Variants in MAVS observed in about 807,000 individuals in gnomAD.
MAVS encodes mitochondrial antiviral signaling protein.
A neutral mutation model predicts 30.2 loss-of-function variants in MAVS; 20 were observed. The observed-to-expected ratio is 0.66, with a 90% CI of 0.47 to 0.96. The LOEUF is 0.96. Ranked by LOEUF, MAVS falls within the 40% of genes least tolerant of loss-of-function variation. MAVS has a pLI of 0.00. For synonymous variants in MAVS, 278 were observed against 293.9 expected (o/e 0.95, Z 0.55); for missense variants, 624 against 701.1 (o/e 0.89, Z 1.24).
chr20:3,857,814 G>A lies in MAVS; in HGVS notation c.292+5G>A. Reference sequence around the variant, plus strand: ...TCTACCAGAGCTACCAGCCTCGTGAGCGTCCTGCCCTTGCCCTCCTGGACC... The same window carrying A: ...TCTACCAGAGCTACCAGCCTCGTGAACGTCCTGCCCTTGCCCTCCTGGACC... On this transcript the variant is annotated splice_donor_5th_base_variant and intron_variant, in intron 3 of 6. Coordinates refer to ENST00000428216, the MANE Select transcript of MAVS (RefSeq NM_020746.5). The A allele has an allele frequency of 6.2e-7, 1 of 1,614,126 alleles. No individual in the cohort carries two copies. Among genetic ancestry groups the A allele is most frequent in the Non-Finnish European group, 8.5e-7 (1 of 1,180,012 alleles).
In MAVS at chr20:3,866,212, G is replaced by A. The variant is rs143282325; in HGVS notation, c.*65G>A. 3.2e-4 allele frequency: 449 copies of A among 1,405,576 alleles called. 3 individuals are homozygous for A. In the African/African-American group the frequency reaches 5.8e-3, roughly 18 times the overall value. 87.1% of individuals were successfully genotyped at this position (1,405,576 alleles called of 1,614,324 possible). On this transcript the variant is annotated 3_prime_UTR_variant, in exon 7 of 7. Transcript: ENST00000428216. ...CCTGCAGTACACCTGGCCCCTCTCC[G>A]AAGCCCCTTGTCCCTTTCTTGGGGA...
chr20:3,858,479 A>G (rs944645333), intron 3 of MAVS, among the ~76,000 whole-genome samples: 2 of 152,060 alleles, frequency 1.3e-5, no homozygotes, highest in Non-Finnish European at 2.9e-5. Context: ...GGAGATGGAG[A>G]CCACCCTGGC....
chr20:3,853,342 C>T (rs992988826), intron 1 of MAVS, among the ~76,000 whole-genome samples: 3 of 151,010 alleles, frequency 2.0e-5, no homozygotes, highest in East Asian at 2.0e-4. Flanking sequence ...AAAAATTAGC[C>T]GGGCGTGGTG....
Position 3,854,887 on chromosome 20 carries a change from T to TTTTC in MAVS, c.117+150_117+153dup. ...GTGTCTTGCTCCTTGTCCTTGCTGC[T>TTTTC]TTTCTTTTTTTTTTTTTTTTTTGAG... On this transcript the variant is annotated intron_variant, in intron 2 of 6. Transcript: ENST00000428216. 4.3e-5 allele frequency: 20 copies of TTTTC among 468,802 alleles called. No homozygotes were observed. In the South Asian group the frequency reaches 5.6e-4, roughly 13 times the overall value. 29.0% of individuals were successfully genotyped at this position (468,802 alleles called of 1,614,324 possible).
intron 2 of MAVS, among the ~76,000 whole-genome samples, chr20:3,857,270 G>A (rs995664803): frequency 3.3e-5 from 5 of 152,120 alleles, no homozygotes; most frequent in Middle Eastern, 3.2e-3. Context: ...AACTGGGTTT[G>A]GATTCCTGCC....
intron 2 of MAVS, among the ~76,000 whole-genome samples, chr20:3,856,058 T>A (rs1234483421): frequency 1.3e-5 from 1 of 79,488 alleles, no homozygotes; most frequent in East Asian, 1.3e-3. Flanking sequence ...AGTGGCACGA[T>A]TTTTTTTTTT....
At chr20:3,862,446 C>A in intron 5 of MAVS, 33 bp downstream of exon 5, 1 of 1,594,440 alleles carries the variant, frequency 6.3e-7, no homozygotes, top group Non-Finnish European at 8.6e-7. Context: ...TAGGGTCCTT[C>A]TGATCTCTCA....
chr20:3,852,246 G>A (rs1261998048), intron 1 of MAVS, among the ~76,000 whole-genome samples: 2 of 151,844 alleles, frequency 1.3e-5, no homozygotes, highest in Non-Finnish European at 1.5e-5. Context: ...CACCCGCCTC[G>A]GCCTCCCAAA....
rs1165102122 is a variant in MAVS, at chr20:3,857,803, C to A, written c.286C>A (p.Gln96Lys). 1.9e-6 allele frequency: 3 copies of A among 1,614,158 alleles called. No homozygotes were observed. The South Asian group carries it at 3.3e-5, about 18-fold the overall frequency. Residue 96 changes from glutamine to lysine, a missense_variant, in exon 3 of 7, where the codon CAG becomes AAG. Coordinates refer to ENST00000428216, the MANE Select transcript of MAVS (RefSeq NM_020746.5). The stretch of plus-strand genomic sequence containing the variant: ...AGTGGCCTCTGTCTACCAGAGCTAC[C>A]AGCCTCGTGAGCGTCCTGCCCTTGC... ...DEVASVYQSY[Q>K]PRTSDRPPDP... is the part of the protein sequence containing the mutation.
In MAVS at chr20:3,874,037, C is replaced by T. The variant is rs547621059; in HGVS notation, c.*7890C>T. On this transcript the variant is annotated 3_prime_UTR_variant, in exon 7 of 7. Coordinates refer to ENST00000428216, the MANE Select transcript of MAVS (RefSeq NM_020746.5). ...ATCCACCAACCCAAATGTCCATCCA[C>T]AGTTGAAGCTACAGTGAAGTCACAG... The T allele has an allele frequency of 7.7e-4, 306 of 398,234 alleles. No homozygotes were observed. The highest frequency in any genetic ancestry group is 1.1e-3 in the Non-Finnish European group (246 of 226,006). 24.7% of individuals were successfully genotyped at this position (398,234 alleles called of 1,614,324 possible). A position where few individuals can be genotyped will look rare whatever the true frequency, so the allele number is the denominator to read the frequency against.
In MAVS at chr20:3,866,130, C is replaced by T. The variant is rs555385198; in HGVS notation, c.1606C>T (p.Arg536Trp). The change falls in exon 7 of 7, where the codon CGG becomes TGG. Residue 536 changes from arginine to tryptophan, a missense_variant. Physicochemically the swap from Arg to Trp is moderately radical, Grantham distance 101. Transcript: ENST00000428216. ...LVVTLLVVLY[R>W]RRLH is the part of the protein sequence containing the mutation. ...AGTCACACTCCTGGTGGTGCTGTAC[C>T]GGCGGCGTCTGCACTAGTGAAGCCC... 67 of 1,593,618 alleles carry T rather than the reference C, an allele frequency of 4.2e-5. No homozygotes were observed. In the African/African-American group the frequency reaches 6.3e-4, roughly 15 times the overall value.
intron 2 of MAVS, among the ~76,000 whole-genome samples, chr20:3,855,300 G>C (rs917538582): frequency 5.3e-5 from 8 of 152,170 alleles, no homozygotes; most frequent in Admixed American, 2.6e-4. Context: ...CTGGCTCTCT[G>C]AGATTTCCTG....
intron 3 of MAVS, among the ~76,000 whole-genome samples, chr20:3,859,065 T>C (rs1454817793): frequency 6.6e-6 from 1 of 151,904 alleles, no homozygotes; most frequent in African/African-American, 2.4e-5. Context: ...GCTGGGATCA[T>C]AGGTGTGAGC....
chr20:3,860,458 T>C (rs922428071), intron 3 of MAVS, among the ~76,000 whole-genome samples: 18 of 149,636 alleles, frequency 1.2e-4, no homozygotes, highest in African/African-American at 4.4e-4. Flanking sequence ...CATGGCAACC[T>C]TCACTTCCCA....
chr20:3,849,167 T>C (rs982338575), intron 1 of MAVS, among the ~76,000 whole-genome samples: 84 of 152,206 alleles, frequency 5.5e-4, no homozygotes, highest in African/African-American at 1.9e-3. Flanking sequence ...TGCCACCTCC[T>C]TGACCTTGAC....
chr20:3,860,026 C>T (rs2089852679), intron 3 of MAVS, among the ~76,000 whole-genome samples: 1 of 152,062 alleles, frequency 6.6e-6, no homozygotes, highest in African/African-American at 2.4e-5. Context: ...ACCGTGTTAG[C>T]CAGGATGGTC....
intron 2 of MAVS, among the ~76,000 whole-genome samples, chr20:3,854,966 T>C (rs2089797663): frequency 6.6e-6 from 1 of 150,660 alleles, no homozygotes; most frequent in African/African-American, 2.5e-5. Context: ...TCTTGGCTCA[T>C]TGCAACCTCC....
At chr20:3,856,357 T>G (rs2089810717) in intron 2 of MAVS, among the ~76,000 whole-genome samples, 1 of 144,494 alleles carries the variant, frequency 6.9e-6, no homozygotes, top group Non-Finnish European at 1.5e-5. Flanking sequence ...CCCAGCATTT[T>G]TTTTTTTTTT....
Position 3,865,825 on chromosome 20 carries a change from G to T in MAVS, c.1301G>T (p.Gly434Val), listed in dbSNP as rs1200742851. 5 of 1,614,006 alleles carry T rather than the reference G, an allele frequency of 3.1e-6. No individual in the cohort carries two copies. The highest frequency in any genetic ancestry group is 1.7e-4 in the Middle Eastern group (1 of 6,058). ...LASQVDSPFS[G>V]CFEDLAISAS... ...TCCCAGGTAGACAGCCCGTTCTCGG[G>T]CTGCTTCGAGGATCTTGCCATCAGT... is the stretch of plus-strand genomic sequence containing the variant. The change falls in exon 7 of 7, where the codon GGC (glycine) becomes GTC (valine). Residue 434 changes from glycine (G) to valine (V), a missense_variant. By Grantham distance (109) the Gly-to-Val change is moderately radical (BLOSUM62 -3). Coordinates refer to ENST00000428216, the MANE Select transcript of MAVS (RefSeq NM_020746.5). This position sits in a 1 kb window ranked among gnomAD's most constrained non-coding sequence, Gnocchi z 4.7.
Sources: allele counts gnomAD v4.1 joint callset (sites outside exome capture counted in the v4.1 genomes callset), GRCh38; gene constraint gnomAD v4.1.1; non-coding constraint Gnocchi (gnomAD v3.1); transcripts MANE v1.5; gene names NCBI Gene and HGNC (gene_info 2026-07-23, HGNC 2026-07-21).